Variants in LINGO2 observed in about 807,000 individuals in gnomAD.
LINGO2 encodes the protein leucine-rich repeat and immunoglobulin-like domain-containing nogo receptor-interacting protein 2.
A neutral mutation model predicts 30.6 loss-of-function variants in LINGO2; 14 were observed. The ratio of observed to expected loss-of-function variants is 0.46; its 90% CI spans 0.30 to 0.72. The LOEUF is 0.72. Among genes scored for constraint, LINGO2 ranks in the 30% least tolerant of loss-of-function variants. The pLI is 0.07. For synonymous variants in LINGO2, 317 were observed against 288.5 expected, an observed-to-expected ratio of 1.10 and a Z score of -1.00; for missense variants, 729 against 751.7, an observed-to-expected ratio of 0.97 and a Z score of 0.35.
chr9:28,784,579 C>G, the LINGO2 span, among the ~76,000 whole-genome samples: 1 of 152,110 alleles, frequency 6.6e-6, no homozygotes, highest in Non-Finnish European at 1.5e-5. Context: ...AAAGTAAATA[C>G]AGAAAAACTG....
chr9:28,993,087 T>A, the LINGO2 span, among the ~76,000 whole-genome samples: 1 of 152,100 alleles, frequency 6.6e-6, no homozygotes, highest in Non-Finnish European at 1.5e-5. Flanking sequence ...GCTGGTTTTT[T>A]GAAAGGATAA....
At chr9:28,494,166 C>G (rs995571189) in intron 1 of LINGO2, among the ~76,000 whole-genome samples, 2 of 152,072 alleles carry the variant, frequency 1.3e-5, no homozygotes, top group African/African-American at 4.8e-5. Context: ...TTTGCCATTA[C>G]TTTTAAATCA....
At chr9:28,881,281 G>C in the LINGO2 span, among the ~76,000 whole-genome samples, 4 of 151,956 alleles carry the variant, frequency 2.6e-5, no homozygotes, top group African/African-American at 7.2e-5. Flanking sequence ...GTCACACCAC[G>C]CCTGGCTAAT....
chr9:27,938,884 A>G, the LINGO2 span: 1 of 152,194 alleles, frequency 6.6e-6, no homozygotes, highest in African/African-American at 2.4e-5. Context: ...GGAAAATTAA[A>G]TTTTCTGTAT....
chr9:28,920,740 ACG>A, the LINGO2 span, among the ~76,000 whole-genome samples: 11 of 147,312 alleles, frequency 7.5e-5, no homozygotes, highest in East Asian at 2.0e-4. Context: ...ACACACACAC[ACG>A]CACACAAATC....
At chr9:28,698,068 G>A in the LINGO2 span, among the ~76,000 whole-genome samples, 1 of 151,970 alleles carries the variant, frequency 6.6e-6, no homozygotes, top group Admixed American at 6.6e-5. Flanking sequence ...GACTCAGAAA[G>A]GCACCTCATA....
chr9:28,328,143 T>C (rs548823871), intron 3 of LINGO2, among the ~76,000 whole-genome samples: 1 of 152,240 alleles, frequency 6.6e-6, no homozygotes, highest in Non-Finnish European at 1.5e-5. Flanking sequence ...AGGAAATCAC[T>C]AGGAAAAGAC....
intron 5 of LINGO2, among the ~76,000 whole-genome samples, chr9:27,991,490 A>G (rs977249232): frequency 3.3e-5 from 5 of 152,042 alleles, no homozygotes. Context: ...GGCAGCCACA[A>G]TTAGCATAGC....
At chr9:28,527,704 A>G (rs1001301193) in intron 1 of LINGO2, among the ~76,000 whole-genome samples, 1 of 152,120 alleles carries the variant, frequency 6.6e-6, no homozygotes, top group African/African-American at 2.4e-5. Context: ...TGCTTACCTC[A>G]GAGCACCACA....
the LINGO2 span, among the ~76,000 whole-genome samples, chr9:29,043,870 A>G: frequency 6.6e-6 from 1 of 152,030 alleles, no homozygotes; most frequent in Non-Finnish European, 1.5e-5. Flanking sequence ...ATTTTGCACA[A>G]TGCAATGAAC....
Position 28,186,531 on chromosome 9 carries a change from AAG to A in LINGO2, c.-87+108675_-87+108676del, listed in dbSNP as rs532182257. Reference sequence around the variant, plus strand: ...ATGAACAAAATAAATGCAAAAATATAAGAGTGTTTATAATGGAGAAAAATAAA... The same window carrying A: ...ATGAACAAAATAAATGCAAAAATATAAGTGTTTATAATGGAGAAAAATAAA... On this transcript the variant is annotated intron_variant, in intron 4 of 5. Transcript: ENST00000379992. Among the ~76,000 whole-genome samples the A allele has an allele frequency of 6.8e-3, 1,035 of 152,244 alleles. 11 individuals are homozygous for A. Among genetic ancestry groups the A allele is most frequent in the African/African-American group, 0.023 (970 of 41,544 alleles).
intron 1 of LINGO2, among the ~76,000 whole-genome samples, chr9:28,563,408 A>G (rs1413242033): frequency 1.3e-5 from 2 of 152,148 alleles, no homozygotes; most frequent in African/African-American, 4.8e-5. Flanking sequence ...ACAGCTTTCT[A>G]TTTACGTCTA....
intron 2 of LINGO2, among the ~76,000 whole-genome samples, chr9:28,406,238 C>A (rs1303388728): frequency 6.6e-6 from 1 of 152,020 alleles, no homozygotes; most frequent in Non-Finnish European, 1.5e-5. Context: ...GAGTTCAAGA[C>A]CAGCCTGGCC....
chr9:28,766,066 C>G, the LINGO2 span, among the ~76,000 whole-genome samples: 1 of 151,970 alleles, frequency 6.6e-6, no homozygotes, highest in Admixed American at 6.6e-5. Context: ...ATAAAAAGCT[C>G]AGGCAACAAA....
chr9:28,483,484 T>C (rs763255615), intron 1 of LINGO2, among the ~76,000 whole-genome samples: 8 of 151,920 alleles, frequency 5.3e-5, no homozygotes. Flanking sequence ...CATGGAACTT[T>C]TGTGCTCATT....
intron 1 of LINGO2, among the ~76,000 whole-genome samples, chr9:28,539,102 C>T (rs1011941691): frequency 1.3e-5 from 2 of 151,800 alleles, no homozygotes; most frequent in African/African-American, 4.8e-5. Flanking sequence ...AAAAGATATT[C>T]TTTCAGTAAG....
At chr9:28,854,248 T>C in the LINGO2 span, among the ~76,000 whole-genome samples, 34 of 151,982 alleles carry the variant, frequency 2.2e-4, no homozygotes, top group Non-Finnish European at 4.6e-4. Context: ...AATGCTCAAA[T>C]TGTTACATAT....
chr9:28,129,747 C>T lies in LINGO2; in HGVS notation c.-86-117342G>A, dbSNP rs1827332432. Reference sequence around the variant, plus strand: ...CAAATGTACAGAAATTTGGTATAGACATATTGCTGGTGATTTGAAAACAAT... The same window carrying T: ...CAAATGTACAGAAATTTGGTATAGATATATTGCTGGTGATTTGAAAACAAT... On this transcript the variant is annotated intron_variant, in intron 4 of 5. Transcript: ENST00000379992. The surrounding 1 kb of genome is among the most constrained non-coding windows in gnomAD (Gnocchi z 4.0). The T allele has an allele frequency of 6.6e-6, 1 of 152,088 alleles. No homozygotes were observed. The highest frequency in any genetic ancestry group is 1.5e-5 in the Non-Finnish European group (1 of 67,980). 9.4% of individuals were successfully genotyped at this position (152,088 alleles called of 1,614,324 possible). A position where few individuals can be genotyped will look rare whatever the true frequency, so the allele number is the denominator to read the frequency against.
At chr9:28,044,606 G>A (rs1400496659) in intron 4 of LINGO2, among the ~76,000 whole-genome samples, 1 of 151,942 alleles carries the variant, frequency 6.6e-6, no homozygotes. Context: ...TAGGTTGACA[G>A]AAAAAACACA....
Sources: gnomAD v4.1 joint callset for allele counts (sites outside exome capture counted in the v4.1 genomes callset) on GRCh38, gnomAD v4.1.1 for gene constraint, Gnocchi (gnomAD v3.1) non-coding constraint, MANE v1.5 for transcripts, NCBI Gene and HGNC (gene_info 2026-07-23, HGNC 2026-07-21) for gene names.